ESPNL: variants seen among roughly 807,000 people sequenced by gnomAD.
ESPNL encodes the protein espin-like protein.
ESPNL carries 49 observed loss-of-function variants against 46.8 expected under a neutral mutation model. The ratio of observed to expected loss-of-function variants is 1.05; its 90% CI spans 0.83 to 1.33. The LOEUF (loss-of-function observed/expected upper bound fraction) is 1.33, where lower values mean the gene tolerates loss of function less well. Ranked by LOEUF, ESPNL falls within the 40% of genes most tolerant of loss-of-function variation. ESPNL has a pLI of 0.00. For missense variants in ESPNL, 1,540 were observed against 1,436.6 expected (o/e 1.07, Z -1.16); for synonymous variants, 664 against 662.1 (o/e 1.00, Z -0.04).
intron 5 of ESPNL, among the ~76,000 whole-genome samples, chr2:238,122,890 C>A (rs765929884): frequency 6.6e-6 from 1 of 152,254 alleles, no homozygotes; most frequent in Non-Finnish European, 1.5e-5. Context: ...TTTCTGGCCG[C>A]GTCTGGTCTG....
At chr2:238,121,266 G>A (rs1691982358) in intron 5 of ESPNL, among the ~76,000 whole-genome samples, 1 of 152,216 alleles carries the variant, frequency 6.6e-6, no homozygotes, top group African/African-American at 2.4e-5. Context: ...CAGGAATGGT[G>A]AATAGAACCC....
chr2:238,131,315 G>C lies in ESPNL; in HGVS notation c.2601G>C (p.Glu867Asp). Residue 867 changes from glutamate (E) to aspartate (D), a missense_variant, in exon 9 of 9, where the codon GAG becomes GAC. Physicochemically the swap from Glu to Asp is conservative, Grantham distance 45 (BLOSUM62 2). Coordinates refer to ENST00000343063, the MANE Select transcript of ESPNL (RefSeq NM_194312.4). ...LFMLGYFQLL[E>D]CDLPAEERKL... The stretch of plus-strand genomic sequence containing the variant: ...TGCTGGGTTACTTCCAGCTGCTGGA[G>C]TGCGACCTGCCGGCGGAGGAGCGGA... 5.7e-6 allele frequency: 9 copies of C among 1,585,398 alleles called. No homozygotes were observed. The highest frequency in any genetic ancestry group is 7.7e-6 in the Non-Finnish European group (9 of 1,166,648).
At chr2:238,121,419 C>T (rs1691985239) in intron 5 of ESPNL, among the ~76,000 whole-genome samples, 1 of 152,234 alleles carries the variant, frequency 6.6e-6, no homozygotes, top group South Asian at 2.1e-4. Flanking sequence ...CCAGTTTTCT[C>T]ACCACAGGGT....
intron 5 of ESPNL, among the ~76,000 whole-genome samples, chr2:238,119,080 A>G (rs1166984374): frequency 1.7e-4 from 14 of 81,538 alleles, no homozygotes; most frequent in South Asian, 4.2e-4. Flanking sequence ...GAAGAGGGTG[A>G]ATGGAGGAGA....
chr2:238,104,706 G>A lies in ESPNL; in HGVS notation c.536G>A (p.Cys179Tyr), dbSNP rs1348621921. 3.1e-6 allele frequency: 5 copies of A among 1,607,404 alleles called. No homozygotes were observed. Among genetic ancestry groups the A allele is most frequent in the Middle Eastern group, 4.3e-4 (2 of 4,638 alleles). Residue 179 changes from cysteine (C) to tyrosine (Y), a missense_variant, in exon 3 of 9, where the codon TGC becomes TAC. Physicochemically the swap from Cys to Tyr is radical, Grantham distance 194. Transcript: ENST00000343063. ...RSGASPLYLA[C>Y]QEGHLHLAQF... Reference sequence around the variant, plus strand: ...GGCGCCTCCCCACTCTACCTGGCCTGCCAGGAGGGCCACCTGCACCTGGCC... The same window carrying A: ...GGCGCCTCCCCACTCTACCTGGCCTACCAGGAGGGCCACCTGCACCTGGCC...
rs549964951 is a variant in ESPNL, at chr2:238,109,523, T to A, written c.855+1550T>A. On this transcript the variant is annotated intron_variant, in intron 4 of 8. Coordinates refer to ENST00000343063, the MANE Select transcript of ESPNL (RefSeq NM_194312.4). ...ACGCCACCACGCCCAGCTAATTTTTTAAAAAAATTTTGTAGAGATGGGAGT... is the reference window on the plus strand; with the variant it reads ...ACGCCACCACGCCCAGCTAATTTTTAAAAAAAATTTTGTAGAGATGGGAGT... Among the ~76,000 whole-genome samples, 40 of 152,236 alleles carry A rather than the reference T, an allele frequency of 2.6e-4. No homozygotes were observed. The South Asian group carries it at 7.7e-3, about 29-fold the overall frequency.
Position 238,130,392 on chromosome 2 carries a change from G to A in ESPNL, c.1678G>A (p.Gly560Arg), listed in dbSNP as rs145074139. The change falls in exon 9 of 9, where the codon GGA becomes AGA. Residue 560 changes from glycine to arginine, a missense_variant. Gly to Arg is a moderately radical substitution (Grantham distance 125). Transcript: ENST00000343063. ...VNSHFLPRAP[G>R]LEVEEASIPA... The stretch of plus-strand genomic sequence containing the variant: ...CAGCCACTTCCTGCCCCGGGCGCCC[G>A]GACTGGAGGTTGAGGAGGCCTCAAT... 382 of 1,610,680 alleles carry A rather than the reference G, an allele frequency of 2.4e-4. 1 individual carries two copies. The African/African-American group carries it at 2.4e-3, about 10-fold the overall frequency.
At chr2:238,128,567 TGGC>T (rs564194736) in intron 7 of ESPNL, 137 bp from the exon 8 acceptor site, 1 of 700,302 alleles carries the variant, frequency 1.4e-6, no homozygotes, top group South Asian at 1.8e-5. Context: ...GTGCTGTCCG[TGGC>T]CCCCACTGTC....
In ESPNL at chr2:238,128,806, C is replaced by G; in HGVS notation, c.1315C>G (p.Arg439Gly). The G allele has an allele frequency of 1.3e-6, 2 of 1,557,940 alleles. No homozygotes were observed. The highest frequency in any genetic ancestry group is 1.7e-6 in the Non-Finnish European group (2 of 1,151,782). The change falls in exon 8 of 9, where the codon CGG (arginine) becomes GGG (glycine). Residue 439 changes from arginine to glycine, a missense_variant. Coordinates refer to ENST00000343063, the MANE Select transcript of ESPNL (RefSeq NM_194312.4). Reference sequence around the variant, plus strand: ...CGACATCGACGGGCTGGTGCCCACGCGGGATGAGCGCGGCCAGCCCATCCC... The same window carrying G: ...CGACATCGACGGGCTGGTGCCCACGGGGGATGAGCGCGGCCAGCCCATCCC... The part of the protein sequence containing the change: ...SGDIDGLVPT[R>G]DERGQPIPEW...
In ESPNL at chr2:238,103,517, C is replaced by T. The variant is rs192744651; in HGVS notation, c.486-1139C>T. On this transcript the variant is annotated intron_variant, in intron 2 of 8. Coordinates refer to ENST00000343063, the MANE Select transcript of ESPNL (RefSeq NM_194312.4). Reference sequence around the variant, plus strand: ...CACAAATGGGAAGGTCCTGTACCCCCGGCCTAGTTCCCGCCTGGCATTGAC... The same window carrying T: ...CACAAATGGGAAGGTCCTGTACCCCTGGCCTAGTTCCCGCCTGGCATTGAC... Among the ~76,000 whole-genome samples the T allele has an allele frequency of 2.0e-3, 307 of 152,342 alleles. 2 individuals are homozygous for T. Among genetic ancestry groups the T allele is most frequent in the Non-Finnish European group, 3.4e-3 (229 of 68,030 alleles).
In ESPNL at chr2:238,110,536, T is replaced by A. The variant is rs1375036779; in HGVS notation, c.855+2563T>A. 1.5e-4 allele frequency among the ~76,000 whole-genome samples: 7 copies of A among 48,060 alleles called. 1 individual carries two copies. Among genetic ancestry groups the A allele is most frequent in the Non-Finnish European group, 3.3e-4 (7 of 21,438 alleles). The allele number at this position is 48,060 out of a possible 152,430, so 31.5% of individuals were successfully genotyped here. On this transcript the variant is annotated intron_variant, in intron 4 of 8. Coordinates refer to ENST00000343063, the MANE Select transcript of ESPNL (RefSeq NM_194312.4). ...AGGATCCCATTTAGGGTGCCACACG[T>A]TACCGAGTGTCCCTTTACTGTCCCA... is the stretch of plus-strand genomic sequence containing the variant.
At chr2:238,126,222 CTG>C (rs56118246) in intron 6 of ESPNL, among the ~76,000 whole-genome samples, 1 of 150,136 alleles carries the variant, frequency 6.7e-6, no homozygotes, top group Admixed American at 6.6e-5. Flanking sequence ...GTGATTGTGT[CTG>C]TGTCTGTATT....
intron 2 of ESPNL, among the ~76,000 whole-genome samples, chr2:238,103,140 G>A (rs2106463749): frequency 6.6e-6 from 1 of 152,320 alleles, no homozygotes; most frequent in Admixed American, 6.5e-5. Context: ...TGGGAGACTT[G>A]GGCCGAGCAC....
At chr2:238,117,170 A>G in intron 5 of ESPNL, 136 bp downstream of exon 5, 1 of 1,244,710 alleles carries the variant, frequency 8.0e-7, no homozygotes, top group Non-Finnish European at 1.1e-6. Context: ...CATTGGAGCC[A>G]GGAGCAAGGG....
intron 4 of ESPNL, among the ~76,000 whole-genome samples, chr2:238,115,074 C>T (rs1691787325): frequency 6.6e-6 from 1 of 152,086 alleles, no homozygotes; most frequent in Admixed American, 6.5e-5. Flanking sequence ...TCCGGTCTTG[C>T]GGTGGTTCTG....
chr2:238,118,738 T>G (rs1034849292), intron 5 of ESPNL, among the ~76,000 whole-genome samples: 49 of 47,918 alleles, frequency 1.0e-3, no homozygotes, highest in Non-Finnish European at 1.2e-3. Context: ...TGGAGGAGGG[T>G]GGTTGCAGGA....
chr2:238,110,997 G>T (rs1222309579), intron 4 of ESPNL, among the ~76,000 whole-genome samples: 1 of 128,130 alleles, frequency 7.8e-6, no homozygotes, highest in Non-Finnish European at 1.6e-5. Context: ...CTGTCGCCCA[G>T]GCTGGAGTGC....
In ESPNL at chr2:238,131,311, T is replaced by C. The variant is rs1225875400; in HGVS notation, c.2597T>C (p.Leu866Pro). 2 of 1,584,934 alleles carry C rather than the reference T, an allele frequency of 1.3e-6. No homozygotes were observed. Among genetic ancestry groups the C allele is most frequent in the Non-Finnish European group, 8.6e-7 (1 of 1,166,390 alleles). ...TTCATGCTGGGTTACTTCCAGCTGC[T>C]GGAGTGCGACCTGCCGGCGGAGGAG... ...DLFMLGYFQLLECDLPAEERK... is the reference protein window; with the variant it reads ...DLFMLGYFQLPECDLPAEERK... The change falls in exon 9 of 9, where the codon CTG (leucine) becomes CCG (proline). Residue 866 changes from leucine (L) to proline (P), a missense_variant. Coordinates refer to ENST00000343063, the MANE Select transcript of ESPNL (RefSeq NM_194312.4).
chr2:238,120,812 G>A (rs1006918361), intron 5 of ESPNL, among the ~76,000 whole-genome samples: 3 of 152,238 alleles, frequency 2.0e-5, no homozygotes, highest in Non-Finnish European at 4.4e-5. Context: ...GGGGGAGGCC[G>A]TGTGCCTGCT....
Sources: gnomAD v4.1 joint callset for allele counts (sites outside exome capture counted in the v4.1 genomes callset) on GRCh38, gnomAD v4.1.1 for gene constraint, MANE v1.5 for transcripts, NCBI Gene and HGNC (gene_info 2026-07-23, HGNC 2026-07-21) for gene names.